STEAP3: variants seen among roughly 807,000 people sequenced by gnomAD.
STEAP3 encodes the protein metalloreductase STEAP3.
A neutral mutation model predicts 34.9 loss-of-function variants in STEAP3; 35 were observed. The observed-to-expected ratio is 1.00, with a 90% CI of 0.76 to 1.33. The LOEUF (loss-of-function observed/expected upper bound fraction) is 1.33, where lower values mean the gene tolerates loss of function less well. STEAP3 is among the 40% of genes most tolerant of loss of function. STEAP3 has a pLI of 0.00. For missense variants in STEAP3, 652 were observed against 667.6 expected (o/e 0.98, Z 0.26); for synonymous variants, 281 against 301.6 (o/e 0.93, Z 0.71).
chr2:119,246,137 C>T, intron 3 of STEAP3, 149 bp downstream of exon 3: 1 of 1,110,660 alleles, frequency 9.0e-7, no homozygotes, highest in Non-Finnish European at 1.3e-6. Flanking sequence ...GAAATTGTGG[C>T]TCAAAGACAT....
chr2:119,258,863 C>T, intron 5 of STEAP3, among the ~76,000 whole-genome samples: 1 of 150,276 alleles, frequency 6.7e-6, no homozygotes, highest in African/African-American at 2.4e-5. Flanking sequence ...ACCTCATGAT[C>T]CGCCTGCCTC....
In STEAP3 at chr2:119,258,766, C is replaced by A. The variant is rs185290782; in HGVS notation, c.1215+3918C>A. Among the ~76,000 whole-genome samples the A allele has an allele frequency of 4.5e-3, 651 of 145,632 alleles. 4 individuals carry two copies. The highest frequency in any genetic ancestry group is 5.9e-3 in the Admixed American group (87 of 14,738). On this transcript the variant is annotated intron_variant, in intron 5 of 5. Coordinates refer to ENST00000393110, the MANE Select transcript of STEAP3 (RefSeq NM_182915.3). ...GGGACTACAGGCGCCCGGCACCACACCTGGCTAATTTTTTTTTTTTTTTTT... is the reference window on the plus strand; with the variant it reads ...GGGACTACAGGCGCCCGGCACCACAACTGGCTAATTTTTTTTTTTTTTTTT...
intron 4 of STEAP3, among the ~76,000 whole-genome samples, chr2:119,249,933 C>G (rs1288455615): frequency 3.3e-5 from 5 of 152,186 alleles, no homozygotes; most frequent in African/African-American, 1.2e-4. Flanking sequence ...GTTCCAGGAA[C>G]CATTCTAAGA....
chr2:119,258,597 A>ATTTTTTTTTTTTTTTT (rs57364767), intron 5 of STEAP3, among the ~76,000 whole-genome samples: 1 of 69,942 alleles, frequency 1.4e-5, no homozygotes, highest in Non-Finnish European at 2.5e-5. Context: ...TCCTTTGGGT[A>ATTTTTTTTTTTTTTTT]TTTTTTTTTT....
At chr2:119,247,220 A>G (rs1041070594) in intron 3 of STEAP3, among the ~76,000 whole-genome samples, 2 of 152,124 alleles carry the variant, frequency 1.3e-5, no homozygotes, top group African/African-American at 4.8e-5. Flanking sequence ...GCCGAGGGAC[A>G]TCATCAAGGG....
chr2:119,257,762 C>A (rs947636041), intron 5 of STEAP3: 2 of 1,345,496 alleles, frequency 1.5e-6, no homozygotes, highest in Non-Finnish European at 1.9e-6. Context: ...CCCTCCCCTA[C>A]ACACATGTCC....
chr2:119,257,659 G>A, intron 5 of STEAP3: 1 of 1,441,496 alleles, frequency 6.9e-7, no homozygotes, highest in Admixed American at 3.0e-5. Context: ...CAGGATGCGT[G>A]CAGCCAACAG....
At chr2:119,258,632 G>A (rs1677847488) in intron 5 of STEAP3, among the ~76,000 whole-genome samples, 3 of 114,904 alleles carry the variant, frequency 2.6e-5, no homozygotes, top group Non-Finnish European at 5.0e-5. Flanking sequence ...TTTTGAGACG[G>A]AGTCTCACTC....
rs1457964719 is a variant in STEAP3 at position 119,264,920 on chromosome 2, T to C, written c.*1582T>C. 6.6e-6 allele frequency: 1 copy of C among 152,182 alleles called. No individual in the cohort carries two copies. The highest frequency in any genetic ancestry group is 1.5e-5 in the Non-Finnish European group (1 of 68,078). The allele number at this position is 152,182 out of a possible 1,614,324, so 9.4% of individuals were successfully genotyped here. ...GATAGCTCATTAGGCACATGACCGA[T>C]GCAGGGAAGGCCATGCCGGGGAAGC... On this transcript the variant is annotated 3_prime_UTR_variant, in exon 6 of 6. Coordinates refer to ENST00000393110, the MANE Select transcript of STEAP3 (RefSeq NM_182915.3).
In STEAP3 at chr2:119,247,213, G is replaced by A. The variant is rs149753032; in HGVS notation, c.523-466G>A. 2.1e-3 allele frequency among the ~76,000 whole-genome samples: 327 copies of A among 152,250 alleles called. 1 individual carries two copies. The highest frequency in any genetic ancestry group is 7.7e-3 in the African/African-American group (319 of 41,538). On this transcript the variant is annotated intron_variant, in intron 3 of 5. Transcript: ENST00000393110. ...TGCTGGCTGAGGGCTCTACTGAGCCGAGGGACATCATCAAGGGGGGTGATT... is the reference window on the plus strand; with the variant it reads ...TGCTGGCTGAGGGCTCTACTGAGCCAAGGGACATCATCAAGGGGGGTGATT...
chr2:119,250,844 G>T (rs150811066), intron 4 of STEAP3, among the ~76,000 whole-genome samples: 110 of 152,274 alleles, frequency 7.2e-4, no homozygotes, highest in Admixed American at 2.6e-3. Flanking sequence ...CTTTAGGGCT[G>T]CAGGCCCTGG....
rs777658187 is a variant in STEAP3, at chr2:119,245,545, A to C, written c.79A>C (p.Ser27Arg). ...ACTGATCAGCCTCCACCTGGTGGACAGCGATAGTAGCCTTGCCAAGGTCCC... is the reference window on the plus strand; with the variant it reads ...ACTGATCAGCCTCCACCTGGTGGACCGCGATAGTAGCCTTGCCAAGGTCCC... Reference protein sequence around the residue: ...KPLISLHLVDSDSSLAKVPDE... With the variant: ...KPLISLHLVDRDSSLAKVPDE... The change falls in exon 3 of 6, where the codon AGC becomes CGC. Residue 27 changes from serine to arginine, a missense_variant. By Grantham distance (110) the Ser-to-Arg change is moderately radical. Coordinates refer to ENST00000393110, the MANE Select transcript of STEAP3 (RefSeq NM_182915.3). 2 of 1,600,786 alleles carry C rather than the reference A, an allele frequency of 1.2e-6. No homozygotes were observed. The highest frequency in any genetic ancestry group is 1.7e-6 in the Non-Finnish European group (2 of 1,169,116).
chr2:119,238,282 C>T lies in STEAP3; in HGVS notation c.23-7207C>T, dbSNP rs142094842. On this transcript the variant is annotated intron_variant, in intron 2 of 5. Transcript: ENST00000393110. ...ATCCCAGCAGCAGTGTAGGAGGGTT[C>T]TGATTTCTCCACATCCTCCCTGTCT... 4.0e-3 allele frequency among the ~76,000 whole-genome samples: 614 copies of T among 152,320 alleles called. 9 individuals carry two copies. The highest frequency in any genetic ancestry group is 4.4e-3 in the Non-Finnish European group (301 of 68,024).
At chr2:119,233,468 A>G (rs1487965125) in intron 2 of STEAP3, among the ~76,000 whole-genome samples, 1 of 152,184 alleles carries the variant, frequency 6.6e-6, no homozygotes, top group African/African-American at 2.4e-5. Context: ...TTATTATTTC[A>G]TCACCACTGA....
At chr2:119,250,520 G>A (rs1677592256) in intron 4 of STEAP3, among the ~76,000 whole-genome samples, 1 of 152,176 alleles carries the variant, frequency 6.6e-6, no homozygotes, top group Non-Finnish European at 1.5e-5. Flanking sequence ...AGGCTCTGCG[G>A]GGCTCCCTGG....
intron 4 of STEAP3, 71 bp from the exon 5 acceptor site, chr2:119,254,613 C>A: frequency 6.3e-7 from 1 of 1,580,160 alleles, no homozygotes; most frequent in Non-Finnish European, 8.7e-7. Context: ...TTTCTTGTGT[C>A]CTTCATCATT....
At chr2:119,229,884 G>A (rs545061969) in intron 1 of STEAP3, among the ~76,000 whole-genome samples, 16 of 133,850 alleles carry the variant, frequency 1.2e-4, no homozygotes, top group African/African-American at 4.1e-4. Context: ...GTTAGACTCC[G>A]CGGAGATTCA....
At chr2:119,257,966 G>T (rs1204526751) in intron 5 of STEAP3, among the ~76,000 whole-genome samples, 1 of 152,216 alleles carries the variant, frequency 6.6e-6, no homozygotes, top group Non-Finnish European at 1.5e-5. Flanking sequence ...AGAAAGCAAA[G>T]GAATAAAAGA....
intron 5 of STEAP3, 69 bp downstream of exon 5, chr2:119,254,917 C>T: frequency 1.3e-6 from 2 of 1,550,322 alleles, no homozygotes; most frequent in South Asian, 2.4e-5. Context: ...AGTAAGTGCT[C>T]TGCCTTTGAG....
Sources: gnomAD v4.1 joint callset for allele counts (sites outside exome capture counted in the v4.1 genomes callset) on GRCh38, gnomAD v4.1.1 for gene constraint, MANE v1.5 for transcripts, NCBI Gene and HGNC (gene_info 2026-07-23, HGNC 2026-07-21) for gene names.